LINGO2: variants seen among roughly 807,000 people sequenced by gnomAD.
The protein encoded by LINGO2 is leucine rich repeat and Ig domain containing 2.
LINGO2 carries 14 observed loss-of-function variants against 30.6 expected under a neutral mutation model. That is an observed-to-expected ratio of 0.46 (90% CI 0.30 to 0.72). The LOEUF is 0.72. Among genes scored for constraint, LINGO2 ranks in the 30% least tolerant of loss-of-function variants. The pLI, the probability that LINGO2 is intolerant of heterozygous loss-of-function variation, is 0.07. For missense variants in LINGO2, 729 were observed against 751.7 expected (o/e 0.97, Z 0.35); for synonymous variants, 317 against 288.5 (o/e 1.10, Z -1.00).
the LINGO2 span, among the ~76,000 whole-genome samples, chr9:28,731,417 G>C: frequency 8.5e-5 from 13 of 152,130 alleles, no homozygotes; most frequent in East Asian, 1.2e-3. Flanking sequence ...ATCTCCAGGA[G>C]ATTATGCTGA....
chr9:28,389,644 C>T (rs1587598058), intron 2 of LINGO2, among the ~76,000 whole-genome samples: 1 of 152,252 alleles, frequency 6.6e-6, no homozygotes. Context: ...CAGGGAGCCT[C>T]ATCATCTTCC....
At chr9:28,987,072 G>GT in the LINGO2 span, among the ~76,000 whole-genome samples, 33,846 of 119,070 alleles carry the variant, frequency 0.28, 5,069 homozygotes, top group African/African-American at 0.34. Flanking sequence ...GTTCTAACAG[G>GT]TTTTTTTTTT....
chr9:28,760,724 C>G, the LINGO2 span, among the ~76,000 whole-genome samples: 1 of 151,774 alleles, frequency 6.6e-6, no homozygotes, highest in African/African-American at 2.4e-5. Context: ...CATGGCTTAG[C>G]TCCCACTTTA....
the LINGO2 span, among the ~76,000 whole-genome samples, chr9:29,082,997 G>T: frequency 6.6e-6 from 1 of 151,990 alleles, no homozygotes; most frequent in Admixed American, 6.6e-5. Context: ...ACTGTAAACT[G>T]GTTCAACCAT....
chr9:28,550,764 C>A (rs34797536), intron 1 of LINGO2, among the ~76,000 whole-genome samples: 8,888 of 151,708 alleles, frequency 0.059, 402 homozygotes, highest in Non-Finnish European at 0.089. Context: ...AAGCTACATG[C>A]ATCAATGTAA....
the LINGO2 span, among the ~76,000 whole-genome samples, chr9:29,191,476 T>A: frequency 3.9e-5 from 6 of 152,184 alleles, no homozygotes; most frequent in Non-Finnish European, 7.4e-5. Context: ...TTTCTGTTTT[T>A]TTTTGGCGGC....
intron 1 of LINGO2, among the ~76,000 whole-genome samples, chr9:28,556,974 T>C (rs1321946194): frequency 6.6e-6 from 1 of 152,038 alleles, no homozygotes; most frequent in Non-Finnish European, 1.5e-5. Context: ...ATCCCTTCCT[T>C]ACACCTTATA....
At chr9:29,075,467 C>T in the LINGO2 span, among the ~76,000 whole-genome samples, 32 of 152,032 alleles carry the variant, frequency 2.1e-4, no homozygotes, top group Non-Finnish European at 7.4e-5. Flanking sequence ...TAATTTGGTA[C>T]TAATAAGATC....
chr9:29,068,200 A>C, the LINGO2 span, among the ~76,000 whole-genome samples: 1 of 151,806 alleles, frequency 6.6e-6, no homozygotes, highest in Admixed American at 6.6e-5. Flanking sequence ...AACAGAAATA[A>C]ACAAATAAAT....
the LINGO2 span, among the ~76,000 whole-genome samples, chr9:28,954,264 A>G: frequency 1.4e-4 from 22 of 152,298 alleles, 1 homozygote; most frequent in South Asian, 3.5e-3. Flanking sequence ...ATGATGTTAA[A>G]TGAAAAAGTA....
At chr9:28,913,565 T>C in the LINGO2 span, among the ~76,000 whole-genome samples, 3 of 152,090 alleles carry the variant, frequency 2.0e-5, no homozygotes, top group Admixed American at 1.3e-4. Flanking sequence ...AATGTATAGA[T>C]AGTATAAAGA....
chr9:29,143,053 A>C, the LINGO2 span, among the ~76,000 whole-genome samples: 1 of 122,550 alleles, frequency 8.2e-6, no homozygotes, highest in African/African-American at 3.1e-5. Flanking sequence ...AGTAGTGAGA[A>C]AAAAAGTAAA....
At chr9:28,010,244 A>T (rs7854367) in intron 5 of LINGO2, among the ~76,000 whole-genome samples, 38,805 of 152,106 alleles carry the variant, frequency 0.26, 5,210 homozygotes, top group African/African-American at 0.33. Flanking sequence ...TGTGTATCTT[A>T]AAATTTTAGC....
the LINGO2 span, among the ~76,000 whole-genome samples, chr9:28,871,479 T>A: frequency 6.6e-6 from 1 of 151,938 alleles, no homozygotes. Flanking sequence ...TTACTTCATA[T>A]ACTCTGTGTT....
intron 4 of LINGO2, among the ~76,000 whole-genome samples, chr9:28,071,633 G>A (rs1314576490): frequency 2.6e-5 from 4 of 151,158 alleles, no homozygotes; most frequent in Non-Finnish European, 5.9e-5. Flanking sequence ...AACACTAGAA[G>A]GTGGGTATTG....
chr9:28,661,271 A>T (rs1026367105), intron 1 of LINGO2, among the ~76,000 whole-genome samples: 1 of 152,148 alleles, frequency 6.6e-6, no homozygotes, highest in African/African-American at 2.4e-5. Context: ...TTGTATGATG[A>T]GAGATATGTG....
intron 2 of LINGO2, among the ~76,000 whole-genome samples, chr9:28,425,259 T>C (rs1459747303): frequency 6.8e-6 from 1 of 147,874 alleles, no homozygotes; most frequent in Non-Finnish European, 1.5e-5. Flanking sequence ...ATATATGTAT[T>C]ATATATTATA....
intron 1 of LINGO2, among the ~76,000 whole-genome samples, chr9:28,596,998 C>T (rs901581842): frequency 1.6e-4 from 25 of 152,070 alleles, no homozygotes; most frequent in Non-Finnish European, 2.6e-4. Context: ...TCTATACTGG[C>T]AAGATGCAAA....
At chr9:29,173,113 A>C in the LINGO2 span, among the ~76,000 whole-genome samples, 1 of 152,062 alleles carries the variant, frequency 6.6e-6, no homozygotes, top group Non-Finnish European at 1.5e-5. Flanking sequence ...AAATAAGGTG[A>C]AGAAAAGTTA....
Sources: gnomAD v4.1 joint callset for allele counts (sites outside exome capture counted in the v4.1 genomes callset) on GRCh38, gnomAD v4.1.1 for gene constraint, MANE v1.5 for transcripts, NCBI Gene and HGNC (gene_info 2026-07-23, HGNC 2026-07-21) for gene names.